The following DLG2 variants were observed in gnomAD, a reference collection of about 807,000 sequenced individuals.
DLG2 encodes the protein disks large homolog 2.
A neutral mutation model predicts 132.5 loss-of-function variants in DLG2; 45 were observed. That is an observed-to-expected ratio of 0.34 (90% CI 0.27 to 0.44). DLG2 has a LOEUF of 0.44. Among genes scored for constraint, DLG2 ranks in the 20% least tolerant of loss-of-function variants. The pLI, the probability that DLG2 is intolerant of heterozygous loss-of-function variation, is 1.00. For missense variants in DLG2, 1,045 were observed against 1,196.9 expected, an observed-to-expected ratio of 0.87 and a Z score of 1.87; for synonymous variants, 424 against 419.6, an observed-to-expected ratio of 1.01 and a Z score of -0.13.
chr11:85,445,432 C>T (rs557026561), intron 3 of DLG2, among the ~76,000 whole-genome samples: 1 of 152,178 alleles, frequency 6.6e-6, no homozygotes, highest in Non-Finnish European at 1.5e-5. Flanking sequence ...AATCCCAGCA[C>T]TTTGGGTGGC....
intron 7 of DLG2, among the ~76,000 whole-genome samples, chr11:84,531,431 G>A (rs1483514673): frequency 6.6e-6 from 1 of 152,142 alleles, no homozygotes; most frequent in African/African-American, 2.4e-5. Context: ...ATGATATGCA[G>A]TTTACCTATA....
intron 3 of DLG2, among the ~76,000 whole-genome samples, chr11:85,377,784 C>CATAT (rs35941912): frequency 0.034 from 4,368 of 130,114 alleles, 117 homozygotes; most frequent in East Asian, 0.093. Context: ...TGTGTGTATA[C>CATAT]ATATATATAT....
chr11:83,952,037 C>T lies in DLG2; in HGVS notation c.1340+10848G>A, dbSNP rs531640628. On this transcript the variant is annotated intron_variant, in intron 14 of 27. Coordinates refer to ENST00000376104, the MANE Select transcript of DLG2 (RefSeq NM_001142699.3). Reference sequence around the variant, plus strand: ...ACCTGAGCAACAGCTCCCATAGAACCGTCATTTATTAAGAAGAGGAAGACA... The same window carrying T: ...ACCTGAGCAACAGCTCCCATAGAACTGTCATTTATTAAGAAGAGGAAGACA... Among the ~76,000 whole-genome samples the T allele has an allele frequency of 1.7e-3, 259 of 152,092 alleles. 6 individuals are homozygous for T. The South Asian group carries it at 0.02, about 11-fold the overall frequency.
chr11:84,889,492 C>T (rs1394369879), intron 6 of DLG2, among the ~76,000 whole-genome samples: 1 of 151,988 alleles, frequency 6.6e-6, no homozygotes, highest in Non-Finnish European at 1.5e-5. Flanking sequence ...CTACAAACAA[C>T]CATTACTACA....
At chr11:85,359,909 C>T (rs995523119) in intron 3 of DLG2, among the ~76,000 whole-genome samples, 3 of 152,020 alleles carry the variant, frequency 2.0e-5, no homozygotes, top group East Asian at 1.9e-4. Context: ...AAAGAACTAT[C>T]GTGTGAAAAA....
At chr11:85,608,570 C>T (rs529092389) in intron 2 of DLG2, among the ~76,000 whole-genome samples, 2 of 152,268 alleles carry the variant, frequency 1.3e-5, no homozygotes, top group African/African-American at 4.8e-5. Flanking sequence ...AGCCTCCCTA[C>T]AGCTCCCCTT....
intron 6 of DLG2, among the ~76,000 whole-genome samples, chr11:84,659,256 C>T (rs1264726920): frequency 2.0e-5 from 3 of 151,906 alleles, no homozygotes; most frequent in African/African-American, 4.8e-5. Context: ...TTTTTCAACA[C>T]TTTTTAAAAT....
intron 9 of DLG2, among the ~76,000 whole-genome samples, chr11:84,127,832 G>C (rs527310511): frequency 3.3e-5 from 5 of 152,172 alleles, no homozygotes; most frequent in Non-Finnish European, 7.4e-5. Context: ...TTGGATTAGG[G>C]CCCACCCTAA....
rs973007843 is a variant in DLG2 at position 85,212,872 on chromosome 11, T to A, written c.187-58221A>T. On this transcript the variant is annotated intron_variant, in intron 4 of 27. Coordinates refer to ENST00000376104, the MANE Select transcript of DLG2 (RefSeq NM_001142699.3). Reference sequence around the variant, plus strand: ...ACCTTTCTCATCCTATTACCTCAACTGTCTCTCTATGTCTTTAAGGCATGA... The same window carrying A: ...ACCTTTCTCATCCTATTACCTCAACAGTCTCTCTATGTCTTTAAGGCATGA... Among the ~76,000 whole-genome samples, 20 of 152,154 alleles carry A rather than the reference T, an allele frequency of 1.3e-4. 1 individual carries two copies. Among genetic ancestry groups the A allele is most frequent in the Admixed American group, 1.0e-3 (16 of 15,264 alleles).
intron 18 of DLG2, among the ~76,000 whole-genome samples, chr11:83,703,171 AAGGTC>A (rs2083266568): frequency 6.6e-6 from 1 of 152,218 alleles, no homozygotes; most frequent in African/African-American, 2.4e-5. Flanking sequence ...GTTTATAATA[AAGGTC>A]ACCTACAATG....
intron 3 of DLG2, among the ~76,000 whole-genome samples, chr11:85,491,151 A>G (rs1257994268): frequency 6.6e-6 from 1 of 152,156 alleles, no homozygotes; most frequent in Non-Finnish European, 1.5e-5. Context: ...CCTTATATAA[A>G]CAGAATAAAG....
At chr11:84,676,401 C>T (rs932479282) in intron 6 of DLG2, among the ~76,000 whole-genome samples, 1 of 152,002 alleles carries the variant, frequency 6.6e-6, no homozygotes, top group African/African-American at 2.4e-5. Flanking sequence ...TAAGAAATGT[C>T]TGTATGGGTA....
chr11:85,486,138 T>C (rs1221321635), intron 3 of DLG2, among the ~76,000 whole-genome samples: 1 of 150,054 alleles, frequency 6.7e-6, no homozygotes, highest in Non-Finnish European at 1.5e-5. Context: ...GTCTGCACCC[T>C]ACCCTTGAGC....
intron 5 of DLG2, among the ~76,000 whole-genome samples, chr11:85,146,212 G>C: frequency 7.1e-6 from 1 of 141,650 alleles, no homozygotes. Flanking sequence ...AAGTCTGTCT[G>C]TATGTCTGTT....
intron 6 of DLG2, among the ~76,000 whole-genome samples, chr11:85,096,241 C>T (rs2069743310): frequency 6.6e-6 from 1 of 152,200 alleles, no homozygotes; most frequent in Non-Finnish European, 1.5e-5. Context: ...CTCGGGTCCC[C>T]TTCCAGGCTG....
intron 6 of DLG2, among the ~76,000 whole-genome samples, chr11:84,820,514 T>C (rs2077552315): frequency 6.6e-6 from 1 of 151,872 alleles, no homozygotes; most frequent in South Asian, 2.1e-4. Flanking sequence ...CAGACAATGC[T>C]TTACACAATC....
intron 3 of DLG2, among the ~76,000 whole-genome samples, chr11:85,413,586 T>C (rs1176610931): frequency 6.6e-6 from 1 of 151,998 alleles, no homozygotes; most frequent in African/African-American, 2.4e-5. Context: ...TTGTATAAGG[T>C]GAAAGATGAG....
intron 6 of DLG2, among the ~76,000 whole-genome samples, chr11:84,652,113 T>C (rs928007673): frequency 6.6e-6 from 1 of 152,158 alleles, no homozygotes; most frequent in Non-Finnish European, 1.5e-5. Flanking sequence ...GCAAGAAGCA[T>C]GAAATATTTG....
intron 3 of DLG2, among the ~76,000 whole-genome samples, chr11:85,398,750 C>G (rs1188226151): frequency 6.6e-6 from 1 of 152,018 alleles, no homozygotes; most frequent in East Asian, 1.9e-4. Context: ...TCTGAATAAC[C>G]CAATAACAGG....
Sources: allele counts gnomAD v4.1 joint callset (sites outside exome capture counted in the v4.1 genomes callset), GRCh38; gene constraint gnomAD v4.1.1; transcripts MANE v1.5; gene names NCBI Gene and HGNC (gene_info 2026-07-23, HGNC 2026-07-21).